The following FAR1 variants were observed in gnomAD, a reference collection of about 807,000 sequenced individuals.
The protein encoded by FAR1 is male sterility domain-containing protein 2.
Under a neutral mutation model 61.1 loss-of-function variants are expected in FAR1, and 22 were observed. That is an observed-to-expected ratio of 0.36 (90% CI 0.26 to 0.51). The LOEUF is 0.51. Ranked by LOEUF, FAR1 falls within the 20% of genes least tolerant of loss-of-function variation. The pLI is 0.95. For missense variants in FAR1, 359 were observed against 626.9 expected (o/e 0.57, Z 4.56); for synonymous variants, 206 against 209.7 (o/e 0.98, Z 0.15).
rs1332196388 is a variant in FAR1, at chr11:13,712,986, A to G, written c.908A>G (p.Tyr303Cys). ...GVNRPRNIMV[Y>C]NCTTGSTNPF... The stretch of plus-strand genomic sequence containing the variant: ...TGCAGACCAAGAAACATCATGGTGT[A>G]TAATTGTACAACAGGCAGCACTAAT... Residue 303 changes from tyrosine to cysteine, a missense_variant, in exon 8 of 12, where the codon TAT (tyrosine) becomes TGT (cysteine). Around this residue, in one of 2 missense-constraint regions of FAR1, gnomAD observed 344 missense variants for 570.3 expected, o/e 0.60. Coordinates refer to ENST00000354817, the MANE Select transcript of FAR1 (RefSeq NM_032228.6). 1.2e-6 allele frequency: 2 copies of G among 1,613,030 alleles called. No individual in the cohort carries two copies. The highest frequency in any genetic ancestry group is 1.3e-5 in the African/African-American group (1 of 74,870).
chr11:13,684,290 T>C (rs2134172468), intron 1 of FAR1, among the ~76,000 whole-genome samples: 1 of 152,336 alleles, frequency 6.6e-6, no homozygotes, highest in South Asian at 2.1e-4. Context: ...TAATAAAGAT[T>C]AGTAAAAGAA....
chr11:13,672,552 A>G (rs1848019010), intron 1 of FAR1, among the ~76,000 whole-genome samples: 1 of 151,996 alleles, frequency 6.6e-6, no homozygotes, highest in South Asian at 2.1e-4. Context: ...CTCAAAAAAA[A>G]AAAAAAAAGT....
chr11:13,695,089 T>C, intron 2 of FAR1, 135 bp downstream of exon 2: 11 of 689,640 alleles, frequency 1.6e-5, no homozygotes, highest in South Asian at 4.2e-5. Flanking sequence ...ACTTAGTAAG[T>C]TCCTACAGGA....
At chr11:13,701,913 C>A (rs1241610721) in intron 3 of FAR1, among the ~76,000 whole-genome samples, 1 of 152,090 alleles carries the variant, frequency 6.6e-6, no homozygotes, top group Non-Finnish European at 1.5e-5. Context: ...TTGACCATAT[C>A]ATTCATTTAC....
chr11:13,708,869 T>C (rs1848468079), intron 4 of FAR1, among the ~76,000 whole-genome samples: 1 of 152,188 alleles, frequency 6.6e-6, no homozygotes, highest in Non-Finnish European at 1.5e-5. Context: ...ACTGAGATCC[T>C]GTCAGCAATT....
intron 1 of FAR1, among the ~76,000 whole-genome samples, chr11:13,682,541 C>G (rs1000191201): frequency 1.3e-5 from 2 of 152,072 alleles, no homozygotes; most frequent in Admixed American, 1.3e-4. Flanking sequence ...GTTACTTGGC[C>G]CTTTACAGAA....
intron 10 of FAR1, among the ~76,000 whole-genome samples, chr11:13,723,975 T>C (rs1173977701): frequency 2.0e-5 from 3 of 152,214 alleles, no homozygotes; most frequent in Non-Finnish European, 4.4e-5. Flanking sequence ...TTGCAGATGA[T>C]TTGCAGCATC....
At chr11:13,679,315 T>C (rs1008766953) in intron 1 of FAR1, among the ~76,000 whole-genome samples, 2 of 152,178 alleles carry the variant, frequency 1.3e-5, no homozygotes, top group African/African-American at 4.8e-5. Context: ...CACAATAGTT[T>C]ACCTAAAAAA....
chr11:13,686,683 A>G (rs953279884), intron 1 of FAR1: 2 of 149,032 alleles, frequency 1.3e-5, no homozygotes, highest in Admixed American at 1.4e-4. Context: ...TTATTGGAAT[A>G]CTCCAATCTC....
In FAR1 at chr11:13,668,672, C is replaced by G. The variant is rs1847953190; in HGVS notation, c.-142C>G. The G allele has an allele frequency of 6.5e-6, 1 of 153,012 alleles. No homozygotes were observed. The highest frequency in any genetic ancestry group is 1.5e-5 in the Non-Finnish European group (1 of 68,200). 9.5% of individuals were successfully genotyped at this position (153,012 alleles called of 1,614,324 possible). A position where few individuals can be genotyped will look rare whatever the true frequency, so the allele number is the denominator to read the frequency against. ...CGGGCCTCAGCCAATGGGCGTGCCA[C>G]TGCCCGTCCGCTCTTCAGCAGCCGG... On this transcript the variant is annotated 5_prime_UTR_variant, in exon 1 of 12. Transcript: ENST00000354817.
intron 10 of FAR1, among the ~76,000 whole-genome samples, chr11:13,724,549 CAAAAAAA>C (rs35925620): frequency 2.9e-5 from 3 of 103,396 alleles, no homozygotes; most frequent in Admixed American, 9.9e-5. Context: ...GACTCCGCCT[CAAAAAAA>C]AAAAAAAAAA....
intron 10 of FAR1, chr11:13,723,441 C>A (rs927453879): frequency 1.3e-5 from 5 of 389,242 alleles, no homozygotes; most frequent in Non-Finnish European, 2.5e-5. Context: ...GTTGAAAAGT[C>A]GGTAGTTGGC....
At chr11:13,680,119 G>A (rs1315267326) in intron 1 of FAR1, among the ~76,000 whole-genome samples, 3 of 152,162 alleles carry the variant, frequency 2.0e-5, no homozygotes, top group Non-Finnish European at 4.4e-5. Flanking sequence ...ATCTTTATTT[G>A]TGGAAAATGC....
chr11:13,672,347 C>T (rs1030356026), intron 1 of FAR1, among the ~76,000 whole-genome samples: 23 of 147,692 alleles, frequency 1.6e-4, no homozygotes, highest in African/African-American at 5.3e-4. Flanking sequence ...CTCAAGAGTT[C>T]AAGAGCAGCC....
chr11:13,673,597 G>C (rs1222477519), intron 1 of FAR1, among the ~76,000 whole-genome samples: 1 of 152,194 alleles, frequency 6.6e-6, no homozygotes, highest in East Asian at 1.9e-4. Flanking sequence ...TGTTACCTTA[G>C]AAGATGAGAC....
chr11:13,686,312 A>T (rs1848184215), intron 1 of FAR1, among the ~76,000 whole-genome samples: 1 of 152,112 alleles, frequency 6.6e-6, no homozygotes, highest in African/African-American at 2.4e-5. Flanking sequence ...TTCTTATTCT[A>T]CCTGGCTGAC....
intron 3 of FAR1, among the ~76,000 whole-genome samples, chr11:13,705,504 A>G (rs1409782445): frequency 6.6e-6 from 1 of 152,192 alleles, no homozygotes; most frequent in African/African-American, 2.4e-5. Flanking sequence ...GACATGTAAC[A>G]GAATATCCTT....
At position 13,721,519 on chromosome 11, in the gene FAR1, A is replaced by T; in HGVS notation, c.1128-211A>T. 1 of 440,084 alleles carries T rather than the reference A, an allele frequency of 2.3e-6. No homozygotes were observed. The highest frequency in any genetic ancestry group is 4.0e-6 in the Non-Finnish European group (1 of 251,430). 27.3% of individuals were successfully genotyped at this position (440,084 alleles called of 1,614,324 possible). On this transcript the variant is annotated intron_variant, in intron 9 of 11. Transcript: ENST00000354817. This position sits in a 1 kb window ranked among gnomAD's most constrained non-coding sequence, Gnocchi z 4.2. The stretch of plus-strand genomic sequence containing the variant: ...TAAATGCATTTGCTGCTGCTTTCAA[A>T]AAAAATTTGTTTTCCTTTTGGATTT...
At chr11:13,689,873 CTT>C (rs71041539) in intron 1 of FAR1, among the ~76,000 whole-genome samples, 87 of 118,474 alleles carry the variant, frequency 7.3e-4, no homozygotes, top group African/African-American at 1.7e-3. Context: ...TCATTTCGAT[CTT>C]TTTTTTTTTT....
Sources: gnomAD v4.1 joint callset for allele counts (sites outside exome capture counted in the v4.1 genomes callset) on GRCh38, gnomAD v4.1.1 for gene constraint, gnomAD v4.1.1 regional missense constraint, Gnocchi (gnomAD v3.1) non-coding constraint, MANE v1.5 for transcripts, NCBI Gene and HGNC (gene_info 2026-07-23, HGNC 2026-07-21) for gene names.